Variants in SORCS1 observed in about 807,000 individuals in gnomAD.
SORCS1 encodes the protein sortilin related VPS10 domain containing receptor 1, also known as VPS10 domain-containing receptor SorCS1.
A neutral mutation model predicts 146.1 loss-of-function variants in SORCS1; 60 were observed. That is an observed-to-expected ratio of 0.41 (90% CI 0.33 to 0.51). SORCS1 has a LOEUF of 0.51. SORCS1 is among the 20% of genes least tolerant of loss of function. The pLI, the probability that SORCS1 is intolerant of heterozygous loss-of-function variation, is 0.21. For missense variants in SORCS1, 1,352 were observed against 1,487.6 expected, an observed-to-expected ratio of 0.91 and a Z score of 1.50; for synonymous variants, 637 against 584.0, an observed-to-expected ratio of 1.09 and a Z score of -1.31.
intron 23 of SORCS1, among the ~76,000 whole-genome samples, chr10:106,605,826 A>T (rs1360234978): frequency 6.6e-6 from 1 of 152,174 alleles, no homozygotes; most frequent in African/African-American, 2.4e-5. Flanking sequence ...GCCTTCTGCC[A>T]AGTGAAAAAG....
chr10:107,165,992 G>C (rs1443767304), upstream of SORCS1, among the ~76,000 whole-genome samples: 3 of 152,174 alleles, frequency 2.0e-5, no homozygotes, highest in African/African-American at 7.2e-5. The surrounding 1 kb of genome is among the most constrained non-coding windows in gnomAD (Gnocchi z 4.0). Context: ...TTTGAAAACG[G>C]CAAAGGATTT....
intron 18 of SORCS1, among the ~76,000 whole-genome samples, chr10:106,630,800 T>C (rs1356051625): frequency 2.0e-5 from 3 of 151,488 alleles, no homozygotes; most frequent in Non-Finnish European, 1.5e-5. Context: ...AAATTTCCCA[T>C]GGGTAGGCAG....
intron 2 of SORCS1, among the ~76,000 whole-genome samples, chr10:106,891,685 G>C (rs1349278733): frequency 6.6e-6 from 1 of 151,708 alleles, no homozygotes; most frequent in East Asian, 1.9e-4. Context: ...TTTAAACTGA[G>C]TATAATGATC....
At chr10:106,704,219 C>T (rs1018236073) in intron 8 of SORCS1, among the ~76,000 whole-genome samples, 1 of 152,074 alleles carries the variant, frequency 6.6e-6, no homozygotes, top group Non-Finnish European at 1.5e-5. Context: ...CTTAATGCCC[C>T]TGACAGTATA....
In SORCS1 at chr10:106,706,641, C is replaced by A. The variant is rs1481911042; in HGVS notation, c.1144-7G>T. On this transcript the variant is annotated splice_polypyrimidine_tract_variant and splice_region_variant and intron_variant, in intron 7 of 25. Transcript: ENST00000263054. ...GCCGCCCTCCTGATGTCAGCTGGAT[C>A]ATAAAAACAAGACTGTAAGAAGCTC... The A allele has an allele frequency of 3.7e-6, 6 of 1,613,678 alleles. No homozygotes were observed. The highest frequency in any genetic ancestry group is 4.2e-6 in the Non-Finnish European group (5 of 1,179,788).
At chr10:107,009,674 C>T (rs914610242) in intron 1 of SORCS1, among the ~76,000 whole-genome samples, 2 of 152,118 alleles carry the variant, frequency 1.3e-5, no homozygotes, top group Admixed American at 6.5e-5. Flanking sequence ...CCAAAATACG[C>T]AAGATTTAAA....
chr10:107,038,842 CT>C (rs1959034362), intron 1 of SORCS1, among the ~76,000 whole-genome samples: 1 of 152,102 alleles, frequency 6.6e-6, no homozygotes, highest in African/African-American at 2.4e-5. Context: ...CAAAACCGAA[CT>C]TCAACCAAAG....
chr10:106,605,964 G>T (rs893152821), intron 23 of SORCS1, among the ~76,000 whole-genome samples: 1 of 152,078 alleles, frequency 6.6e-6, no homozygotes, highest in Non-Finnish European at 1.5e-5. Flanking sequence ...GCTAGATTAT[G>T]GGTTTAGTAA....
At chr10:107,054,263 T>G (rs983910037) in intron 1 of SORCS1, among the ~76,000 whole-genome samples, 10 of 152,212 alleles carry the variant, frequency 6.6e-5, no homozygotes, top group African/African-American at 2.4e-4. Flanking sequence ...TTTTAACTAC[T>G]TTAACATTTT....
At chr10:107,092,400 G>C (rs1000430859) in intron 1 of SORCS1, among the ~76,000 whole-genome samples, 6 of 152,160 alleles carry the variant, frequency 3.9e-5, no homozygotes, top group African/African-American at 1.4e-4. Context: ...TAGTATTGAG[G>C]GATAATATCA....
chr10:106,607,014 G>T, intron 23 of SORCS1, 152 bp downstream of exon 23: 2 of 1,024,854 alleles, frequency 2.0e-6, no homozygotes, highest in Non-Finnish European at 2.9e-6. Context: ...TGTGAGAACA[G>T]ACTAATACAC....
chr10:107,041,049 A>G (rs1395448763), intron 1 of SORCS1, among the ~76,000 whole-genome samples: 1 of 152,192 alleles, frequency 6.6e-6, no homozygotes, highest in Non-Finnish European at 1.5e-5. Flanking sequence ...ATGTAATACT[A>G]TGCAATAGTG....
intron 18 of SORCS1, among the ~76,000 whole-genome samples, chr10:106,629,936 CG>C (rs566337977): frequency 6.6e-6 from 1 of 151,986 alleles, no homozygotes; most frequent in Admixed American, 6.6e-5. Flanking sequence ...CCCAGCTACT[CG>C]GGGGGGCTGA....
At chr10:106,965,456 C>T (rs750827476) in intron 1 of SORCS1, among the ~76,000 whole-genome samples, 1 of 152,140 alleles carries the variant, frequency 6.6e-6, no homozygotes, top group African/African-American at 2.4e-5. Context: ...TGGGGAATGG[C>T]TGCTGAGTAG....
At position 106,976,412 on chromosome 10, in the gene SORCS1, A is replaced by G. The variant is rs1198467876; in HGVS notation, c.559-19832T>C. 1.2e-4 allele frequency among the ~76,000 whole-genome samples: 17 copies of G among 146,626 alleles called. No homozygotes were observed. The South Asian group carries it at 3.7e-3, about 32-fold the overall frequency. ...AGCTGCGCGATTTCGGCTCACTGCA[A>G]GCTCCGCCTCCCGGGTTCACGCCAT... On this transcript the variant is annotated intron_variant, in intron 1 of 25. Coordinates refer to ENST00000263054, the MANE Select transcript of SORCS1 (RefSeq NM_052918.5).
chr10:106,704,663 CTGGGTGACAGAGCGAGATTGTG>C (rs1249825021), intron 8 of SORCS1, among the ~76,000 whole-genome samples: 1 of 152,162 alleles, frequency 6.6e-6, no homozygotes, highest in African/African-American at 2.4e-5. Context: ...GCACTCCAGC[CTGGGTGACAGAGCGAGATTGTG>C]TCTCAAAAAC....
intron 24 of SORCS1, among the ~76,000 whole-genome samples, chr10:106,590,269 T>C (rs1845520963): frequency 6.6e-6 from 1 of 152,168 alleles, no homozygotes; most frequent in South Asian, 2.1e-4. Flanking sequence ...GCATAGAACA[T>C]TTTTTCATTC....
chr10:107,042,778 T>G (rs1247016552), intron 1 of SORCS1, among the ~76,000 whole-genome samples: 1 of 151,916 alleles, frequency 6.6e-6, no homozygotes, highest in African/African-American at 2.4e-5. Context: ...CCTGACTAAT[T>G]TTTGTATTTT....
chr10:106,935,174 G>C (rs894492238), intron 2 of SORCS1, among the ~76,000 whole-genome samples: 1 of 152,122 alleles, frequency 6.6e-6, no homozygotes, highest in Non-Finnish European at 1.5e-5. Flanking sequence ...TTTATAGTTA[G>C]CTCTTTTCCC....
Sources: gnomAD v4.1 joint callset for allele counts (sites outside exome capture counted in the v4.1 genomes callset) on GRCh38, gnomAD v4.1.1 for gene constraint, Gnocchi (gnomAD v3.1) non-coding constraint, MANE v1.5 for transcripts, NCBI Gene and HGNC (gene_info 2026-07-23, HGNC 2026-07-21) for gene names.